The following SEPTIN3 variants were observed in gnomAD, a reference collection of about 807,000 sequenced individuals.
SEPTIN3 encodes neuronal-specific septin-3.
SEPTIN3 carries 15 observed loss-of-function variants against 45.1 expected under a neutral mutation model. The observed-to-expected ratio is 0.33, with a 90% CI of 0.22 to 0.51. The LOEUF (loss-of-function observed/expected upper bound fraction) is 0.51, where lower values mean the gene tolerates loss of function less well. SEPTIN3 is among the 20% of genes least tolerant of loss of function. SEPTIN3 has a pLI of 0.97. For synonymous variants in SEPTIN3, 148 were observed against 164.8 expected (o/e 0.90, Z 0.78); for missense variants, 289 against 457.2 (o/e 0.63, Z 3.35).
Position 41,997,101 on chromosome 22 carries a change from AG to A in SEPTIN3, c.*135del, listed in dbSNP as rs1213360237. On this transcript the variant is annotated 3_prime_UTR_variant, in exon 12 of 12. Coordinates refer to ENST00000644076, the MANE Select transcript of SEPTIN3 (RefSeq NM_001363845.2). ...CAGCCCTCAGTAGGTGGGAGGGGCC[AG>A]CTGCCTCTTTAGGCCAGTTGCATCC... 25 of 1,515,308 alleles carry A rather than the reference AG, an allele frequency of 1.6e-5. No homozygotes were observed. The highest frequency in any genetic ancestry group is 2.1e-5 in the Non-Finnish European group (24 of 1,129,598). The allele number at this position is 1,515,308 out of a possible 1,614,324, so 93.9% of individuals were successfully genotyped here.
In SEPTIN3 at chr22:41,992,073, T is replaced by C. The variant is rs1351453869; in HGVS notation, c.2259+405T>C. Among the ~76,000 whole-genome samples the C allele has an allele frequency of 5.9e-5, 9 of 152,066 alleles. No homozygotes were observed. In the South Asian group the frequency reaches 1.2e-3, roughly 21 times the overall value. ...TGAGTGGCTTATAGGCTTCCCCCGC[T>C]AGAATAACTTAAAAAAATTAAATTG... On this transcript the variant is annotated intron_variant, in intron 8 of 11. Coordinates refer to ENST00000644076, the MANE Select transcript of SEPTIN3 (RefSeq NM_001363845.2).
intron 5 of SEPTIN3, 143 bp downstream of exon 5, chr22:41,987,430 G>A (rs570886393): frequency 1.9e-6 from 2 of 1,076,144 alleles, no homozygotes; most frequent in South Asian, 1.6e-5. Context: ...CCCCTGGGGA[G>A]CTCCACCCCT....
At chr22:41,973,181 T>G (rs2077976928) in intron 2 of SEPTIN3, among the ~76,000 whole-genome samples, 185 bp downstream of exon 2, 1 of 152,068 alleles carries the variant, frequency 6.6e-6, no homozygotes, top group Non-Finnish European at 1.5e-5. Context: ...TACCCTGAGC[T>G]GGGTTCTAAC....
rs1211437443 is a variant in SEPTIN3, at chr22:41,981,438, C to T, written c.1505-207C>T. ...CACTGGCCCAGATTTTACCTCTGAC[C>T]TGCTCTGTGTTCTTAGTTGAGTTCT... On this transcript the variant is annotated intron_variant, in intron 2 of 11. Transcript: ENST00000644076. 9 of 525,118 alleles carry T rather than the reference C, an allele frequency of 1.7e-5. No homozygotes were observed. The Admixed American group carries it at 2.2e-4, about 13-fold the overall frequency. The allele number at this position is 525,118 out of a possible 1,614,324, so 32.5% of individuals were successfully genotyped here.
chr22:41,975,578 G>C (rs1219146351), intron 2 of SEPTIN3, among the ~76,000 whole-genome samples: 1 of 152,188 alleles, frequency 6.6e-6, no homozygotes, highest in Admixed American at 6.5e-5. Context: ...GGCATGTCCA[G>C]AGGTAGCCCT....
intron 2 of SEPTIN3, chr22:41,977,011 T>C (rs1211340098): frequency 1.2e-5 from 19 of 1,579,720 alleles, no homozygotes; most frequent in Non-Finnish European, 1.6e-5. Flanking sequence ...CGCTCAGCCT[T>C]GCAGCCCCGC....
intron 11 of SEPTIN3, chr22:41,996,636 A>G: frequency 2.4e-6 from 3 of 1,262,632 alleles, no homozygotes; most frequent in Non-Finnish European, 3.0e-6. Context: ...ACCTGTCAGG[A>G]CAGAACAGCA....
intron 2 of SEPTIN3, chr22:41,981,419 C>G (rs753984269): frequency 4.2e-6 from 2 of 474,988 alleles, no homozygotes; most frequent in South Asian, 4.7e-5. Flanking sequence ...CTGGCACTGG[C>G]CCAGATTTTA....
intron 2 of SEPTIN3, among the ~76,000 whole-genome samples, chr22:41,975,946 G>A (rs990987284): frequency 5.9e-5 from 9 of 152,286 alleles, no homozygotes; most frequent in South Asian, 2.1e-4. Context: ...CCAAGGCTGC[G>A]TGCGGACTTC....
rs193056182 is a variant in SEPTIN3, at chr22:41,976,046, C to A, written c.1504+3050C>A. ...CTCTGGGCTGTCCACCAGCACCACGCAGCTCTCACCTCTGGAGACCCTCAC... is the reference window on the plus strand; with the variant it reads ...CTCTGGGCTGTCCACCAGCACCACGAAGCTCTCACCTCTGGAGACCCTCAC... On this transcript the variant is annotated intron_variant, in intron 2 of 11. Coordinates refer to ENST00000644076, the MANE Select transcript of SEPTIN3 (RefSeq NM_001363845.2). The surrounding 1 kb of genome is among the most constrained non-coding windows in gnomAD (Gnocchi z 5.8). 1.8e-3 allele frequency among the ~76,000 whole-genome samples: 276 copies of A among 152,324 alleles called. No individual in the cohort carries two copies. Among genetic ancestry groups the A allele is most frequent in the African/African-American group, 6.4e-3 (268 of 41,560 alleles).
chr22:41,973,733 C>A (rs1342176091), intron 2 of SEPTIN3, among the ~76,000 whole-genome samples: 9 of 151,934 alleles, frequency 5.9e-5, no homozygotes, highest in Admixed American at 4.6e-4. Flanking sequence ...GTAATCCCAA[C>A]ATTTTGGGAG....
At chr22:41,977,927 G>T (rs1322734543) in intron 2 of SEPTIN3, among the ~76,000 whole-genome samples, 1 of 152,160 alleles carries the variant, frequency 6.6e-6, no homozygotes, top group South Asian at 2.1e-4. Flanking sequence ...CACTGATGGG[G>T]CAGGTAGCTT....
intron 7 of SEPTIN3, among the ~76,000 whole-genome samples, chr22:41,991,296 G>A (rs2078312245): frequency 1.3e-5 from 2 of 152,068 alleles, no homozygotes; most frequent in South Asian, 2.1e-4. Context: ...CCAGTCTCGC[G>A]GACCCTGAGA....
intron 11 of SEPTIN3, chr22:41,995,725 A>G (rs1057390338): frequency 2.7e-5 from 27 of 985,332 alleles, no homozygotes; most frequent in Non-Finnish European, 3.0e-5. Flanking sequence ...AAAGAAAGGA[A>G]TAGGAAAGAA....
chr22:41,973,800 G>A (rs1200696053), intron 2 of SEPTIN3, among the ~76,000 whole-genome samples: 1 of 152,056 alleles, frequency 6.6e-6, no homozygotes, highest in Non-Finnish European at 1.5e-5. Context: ...GGCCAACATG[G>A]TGATACCCCG....
intron 11 of SEPTIN3, chr22:41,996,520 G>C: frequency 9.9e-7 from 1 of 1,011,748 alleles, no homozygotes; most frequent in Non-Finnish European, 1.2e-6. Context: ...GGAGAAAGGG[G>C]GGCGGTGATC....
At chr22:41,984,045 C>G (rs532152980) in intron 3 of SEPTIN3, among the ~76,000 whole-genome samples, 1 of 152,340 alleles carries the variant, frequency 6.6e-6, no homozygotes, top group South Asian at 2.1e-4. Flanking sequence ...GCATGGCAGA[C>G]TGCTAGTCAG....
intron 11 of SEPTIN3, chr22:41,996,530 C>A (rs1048623647): frequency 7.8e-5 from 80 of 1,020,172 alleles, no homozygotes; most frequent in Non-Finnish European, 9.0e-5. Context: ...GGGCGGTGAT[C>A]AGGTCACCAG....
intron 11 of SEPTIN3, chr22:41,995,059 AC>A (rs2078406777): frequency 1.8e-6 from 2 of 1,142,324 alleles, no homozygotes. Context: ...GTGTCCCAAA[AC>A]AAAGCTGTTT....
Sources: gnomAD v4.1 joint callset for allele counts (sites outside exome capture counted in the v4.1 genomes callset) on GRCh38, gnomAD v4.1.1 for gene constraint, Gnocchi (gnomAD v3.1) non-coding constraint, MANE v1.5 for transcripts, NCBI Gene and HGNC (gene_info 2026-07-23, HGNC 2026-07-21) for gene names.